The following PPFIA2 variants were observed in gnomAD, a reference collection of about 807,000 sequenced individuals.
PPFIA2 encodes the protein liprin-alpha-2.
A neutral mutation model predicts 175.5 loss-of-function variants in PPFIA2; 46 were observed. That is an observed-to-expected ratio of 0.26 (90% CI 0.21 to 0.34). PPFIA2 has a LOEUF of 0.34. Ranked by LOEUF, PPFIA2 falls within the 10% of genes least tolerant of loss-of-function variation. The pLI, the probability that PPFIA2 is intolerant of heterozygous loss-of-function variation, is 1.00. For missense variants in PPFIA2, 1,179 were observed against 1,506.1 expected (o/e 0.78, Z 3.60); for synonymous variants, 568 against 511.4 (o/e 1.11, Z -1.49).
At chr12:81,379,774 T>C (rs1314472559) in intron 9 of PPFIA2, among the ~76,000 whole-genome samples, 2 of 152,194 alleles carry the variant, frequency 1.3e-5, no homozygotes, top group African/African-American at 4.8e-5. Flanking sequence ...ATTTCTTTTT[T>C]GACAAAGAAA....
intron 21 of PPFIA2, among the ~76,000 whole-genome samples, chr12:81,328,811 TTTCTTTC>T (rs1370752411): frequency 9.2e-6 from 1 of 108,718 alleles, no homozygotes; most frequent in South Asian, 4.0e-4. Flanking sequence ...TCTTTTTTTC[TTTCTTTC>T]TTTTTTTTTT....
At chr12:81,676,754 T>A in intron 4 of PPFIA2, 37 bp downstream of exon 4, 1 of 1,464,640 alleles carries the variant, frequency 6.8e-7, no homozygotes, top group Middle Eastern at 1.8e-4. Flanking sequence ...ACAATTCAAT[T>A]CATCAATAGT....
intron 4 of PPFIA2, among the ~76,000 whole-genome samples, chr12:81,621,583 T>C (rs1327990684): frequency 6.6e-6 from 1 of 152,126 alleles, no homozygotes; most frequent in African/African-American, 2.4e-5. Context: ...TGAAAGCTAA[T>C]TGTGGTTTAT....
chr12:81,495,162 T>C (rs1053015053), intron 4 of PPFIA2, among the ~76,000 whole-genome samples: 18 of 152,062 alleles, frequency 1.2e-4, no homozygotes, highest in African/African-American at 4.1e-4. Context: ...GTTTGCTCAA[T>C]CATCCCCTAA....
chr12:81,379,488 A>ATT (rs1739169758), intron 9 of PPFIA2, among the ~76,000 whole-genome samples: 1 of 152,154 alleles, frequency 6.6e-6, no homozygotes, highest in African/African-American at 2.4e-5. Flanking sequence ...GAAATACAGG[A>ATT]TGGTTTTATT....
intron 5 of PPFIA2, among the ~76,000 whole-genome samples, chr12:81,448,283 A>G (rs988480187): frequency 5.3e-5 from 8 of 152,098 alleles, no homozygotes; most frequent in Non-Finnish European, 8.8e-5. Flanking sequence ...AAAGTTAACA[A>G]TTCAGTATTT....
chr12:81,757,224 G>T (rs938781037), intron 2 of PPFIA2, among the ~76,000 whole-genome samples: 1 of 152,164 alleles, frequency 6.6e-6, no homozygotes, highest in African/African-American at 2.4e-5. Context: ...GAAGCAGCTT[G>T]CACAGTCCGG....
intron 4 of PPFIA2, among the ~76,000 whole-genome samples, chr12:81,497,515 C>T (rs1399441409): frequency 1.4e-5 from 2 of 146,274 alleles, no homozygotes; most frequent in African/African-American, 5.1e-5. Context: ...AGTGACATCC[C>T]TATTTCATTG....
At chr12:81,362,893 T>A in intron 14 of PPFIA2, 109 bp from the exon 15 acceptor site, 1 of 633,600 alleles carries the variant, frequency 1.6e-6, no homozygotes, top group South Asian at 2.5e-5. Flanking sequence ...GATATATTTT[T>A]ATTAAAGGTT....
intron 6 of PPFIA2, among the ~76,000 whole-genome samples, chr12:81,443,447 C>T (rs539949935): frequency 6.6e-6 from 1 of 151,774 alleles, no homozygotes; most frequent in East Asian, 1.9e-4. Flanking sequence ...TAGGGTCATA[C>T]GATGGAACAA....
intron 4 of PPFIA2, among the ~76,000 whole-genome samples, chr12:81,634,166 C>T (rs2063723614): frequency 6.6e-6 from 1 of 152,052 alleles, no homozygotes. Context: ...GTTTTGTTCT[C>T]ATGGGCTGCT....
chr12:81,642,765 T>TGC (rs1555549706), intron 4 of PPFIA2, among the ~76,000 whole-genome samples: 1 of 7,666 alleles, frequency 1.3e-4, no homozygotes, highest in African/African-American at 7.9e-4. Context: ...CATACATGTA[T>TGC]ATGTATGTAT....
intron 4 of PPFIA2, among the ~76,000 whole-genome samples, chr12:81,531,077 G>C (rs2064476515): frequency 6.6e-6 from 1 of 151,842 alleles, no homozygotes; most frequent in African/African-American, 2.4e-5. Flanking sequence ...TCAAGATGCA[G>C]GAAGTTTCAA....
At chr12:81,420,679 C>G (rs985996474) in intron 7 of PPFIA2, among the ~76,000 whole-genome samples, 1 of 151,484 alleles carries the variant, frequency 6.6e-6, no homozygotes, top group Non-Finnish European at 1.5e-5. Flanking sequence ...GGAACACCAT[C>G]AAGTGGGCCA....
intron 4 of PPFIA2, among the ~76,000 whole-genome samples, chr12:81,635,876 G>A (rs2063933208): frequency 6.6e-6 from 1 of 152,030 alleles, no homozygotes; most frequent in Admixed American, 6.6e-5. Flanking sequence ...TGTGGAATAA[G>A]AGATACTACT....
At chr12:81,422,701 C>T (rs959999538) in intron 7 of PPFIA2, among the ~76,000 whole-genome samples, 10 of 152,004 alleles carry the variant, frequency 6.6e-5, no homozygotes, top group Admixed American at 5.9e-4. Context: ...GAAAGACCTA[C>T]CCCCATGATA....
At chr12:81,451,193 T>C (rs1391858913) in intron 5 of PPFIA2, among the ~76,000 whole-genome samples, 1 of 152,112 alleles carries the variant, frequency 6.6e-6, no homozygotes, top group Non-Finnish European at 1.5e-5. Flanking sequence ...TGTACATTAA[T>C]ACATTATTCT....
chr12:81,543,572 C>T (rs2066535556), intron 4 of PPFIA2, among the ~76,000 whole-genome samples: 1 of 152,090 alleles, frequency 6.6e-6, no homozygotes, highest in Non-Finnish European at 1.5e-5. Context: ...TATATGGATA[C>T]TCTTCCTTAA....
intron 22 of PPFIA2, among the ~76,000 whole-genome samples, chr12:81,301,672 C>T (rs1020146501): frequency 1.3e-5 from 2 of 152,184 alleles, no homozygotes; most frequent in Admixed American, 6.5e-5. Flanking sequence ...ACTCCCATCT[C>T]AGTCAGCAAC....
Sources: allele counts gnomAD v4.1 joint callset (sites outside exome capture counted in the v4.1 genomes callset), GRCh38; gene constraint gnomAD v4.1.1; transcripts MANE v1.5; gene names NCBI Gene and HGNC (gene_info 2026-07-23, HGNC 2026-07-21).